The following EBF3 variants were observed in gnomAD, a reference collection of about 807,000 sequenced individuals.
The protein encoded by EBF3 is EBF transcription factor 3, also known as transcription factor COE3.
Under a neutral mutation model 77.1 loss-of-function variants are expected in EBF3, and 18 were observed. The observed-to-expected ratio is 0.23, with a 90% CI of 0.16 to 0.35. The LOEUF is 0.35. EBF3 is among the 10% of genes least tolerant of loss of function. The probability of loss-of-function intolerance (pLI) is 1.00; values close to 1 mark genes in which losing one functional copy is unlikely to be tolerated. For synonymous variants in EBF3, 350 were observed against 343.5 expected (o/e 1.02, Z -0.21); for missense variants, 558 against 860.0 (o/e 0.65, Z 4.39).
chr10:129,934,852 T>G (rs1473549723), intron 6 of EBF3, among the ~76,000 whole-genome samples: 1 of 152,120 alleles, frequency 6.6e-6, no homozygotes, highest in Non-Finnish European at 1.5e-5. Flanking sequence ...TCATTCTCTG[T>G]GCAGAGCTGG....
At chr10:129,839,824 G>T (rs1849884288) in intron 15 of EBF3, among the ~76,000 whole-genome samples, 2 of 152,200 alleles carry the variant, frequency 1.3e-5, no homozygotes, top group African/African-American at 4.8e-5. Flanking sequence ...ATAGCAGGCT[G>T]CAAGCCCAGG....
chr10:129,924,690 T>C (rs987676889), intron 6 of EBF3, among the ~76,000 whole-genome samples: 4 of 152,186 alleles, frequency 2.6e-5, no homozygotes, highest in Admixed American at 2.0e-4. Flanking sequence ...TCTTGAGACA[T>C]AGGTTCTGCT....
Position 129,958,945 on chromosome 10 carries a change from C to T in EBF3, c.474G>A (p.Glu158=). The T allele has an allele frequency of 6.3e-7, 1 of 1,598,724 alleles. No homozygotes were observed. Residue 158 remains glutamate (E), a synonymous_variant, in exon 5 of 17, where the codon GAG becomes GAA. Transcript: ENST00000440978. ...CGCCCGCCGCTCACCTGCACATGAT[C>T]TCGTGGGTCAGCAGCACACGGCACA... The part of the protein sequence containing the change: ...PEMCRVLLTH[E]IMCSRCCDKK...
intron 6 of EBF3, among the ~76,000 whole-genome samples, chr10:129,911,474 A>G (rs1325319826): frequency 6.6e-6 from 1 of 151,930 alleles, no homozygotes; most frequent in Admixed American, 6.6e-5. Context: ...TCCATTCTCC[A>G]ATCACTTCCC....
chr10:129,962,394 AT>A (rs141360240), intron 3 of EBF3, among the ~76,000 whole-genome samples, 168 bp from the exon 4 acceptor site: 13 of 150,624 alleles, frequency 8.6e-5, no homozygotes, highest in East Asian at 1.9e-4. Context: ...TTCTCGCTTA[AT>A]TTTTTTTTTC....
At chr10:129,913,594 C>T (rs1385048720) in intron 6 of EBF3, among the ~76,000 whole-genome samples, 2 of 152,260 alleles carry the variant, frequency 1.3e-5, no homozygotes, top group South Asian at 2.1e-4. Context: ...CTCGAGCACC[C>T]CCAGAGCTAT....
intron 6 of EBF3, among the ~76,000 whole-genome samples, chr10:129,955,890 T>C (rs2134602091): frequency 6.6e-6 from 1 of 152,340 alleles, no homozygotes; most frequent in African/African-American, 2.4e-5. Context: ...TTCAAACACT[T>C]CTAGCCAATC....
At position 129,837,854 on chromosome 10, in the gene EBF3, G is replaced by T; in HGVS notation, c.*89C>A. On this transcript the variant is annotated 3_prime_UTR_variant, in exon 17 of 17. Transcript: ENST00000440978. ...TTGAAGATACTGTTTCCATCAGCAT[G>T]TCTTAATATACTAAACGTGTCCCCT... 1 of 1,564,270 alleles carries T rather than the reference G, an allele frequency of 6.4e-7. No homozygotes were observed. Among genetic ancestry groups the T allele is most frequent in the Non-Finnish European group, 8.8e-7 (1 of 1,136,648 alleles).
intron 14 of EBF3, 69 bp from the exon 15 acceptor site, chr10:129,840,511 G>C (rs1380923443): frequency 3.3e-5 from 50 of 1,497,952 alleles, no homozygotes; most frequent in Non-Finnish European, 4.5e-5. Context: ...GGCACCAAAG[G>C]CCTCGCCTCG....
At chr10:129,934,728 C>T (rs111986538) in intron 6 of EBF3, among the ~76,000 whole-genome samples, 269 of 152,272 alleles carry the variant, frequency 1.8e-3, no homozygotes, top group Middle Eastern at 6.8e-3. Flanking sequence ...ACTCCATGGG[C>T]GCCAAATTAG....
intron 6 of EBF3, among the ~76,000 whole-genome samples, chr10:129,883,751 G>A (rs1260393918): frequency 2.6e-5 from 4 of 152,024 alleles, no homozygotes; most frequent in Admixed American, 6.6e-5. Flanking sequence ...GTGGTTGCTG[G>A]GGTGGGGGAG....
chr10:129,835,982 T>TA lies in EBF3; in HGVS notation c.*1960dup, dbSNP rs933774266. The TA allele has an allele frequency of 4.6e-5, 7 of 151,988 alleles. No individual in the cohort carries two copies. Among genetic ancestry groups the TA allele is most frequent in the South Asian group, 2.1e-4 (1 of 4,794 alleles). 9.4% of individuals were successfully genotyped at this position (151,988 alleles called of 1,614,324 possible). A position where few individuals can be genotyped will look rare whatever the true frequency, so the allele number is the denominator to read the frequency against. On this transcript the variant is annotated 3_prime_UTR_variant, in exon 17 of 17. Coordinates refer to ENST00000440978, the MANE Select transcript of EBF3 (RefSeq NM_001375380.1). ...GGAACTGACCACAAAAATGTATTGT[T>TA]AAAAAAAAATTGAAAACCAGCAGTG...
intron 6 of EBF3, among the ~76,000 whole-genome samples, chr10:129,881,347 T>G (rs951142524): frequency 6.6e-6 from 1 of 152,220 alleles, no homozygotes; most frequent in Non-Finnish European, 1.5e-5. Flanking sequence ...TCCCTGACCC[T>G]GTCTTTATTT....
intron 4 of EBF3, among the ~76,000 whole-genome samples, chr10:129,960,226 C>G (rs772795925): frequency 6.6e-6 from 1 of 152,158 alleles, no homozygotes; most frequent in Non-Finnish European, 1.5e-5. Context: ...CCGGTTCCCG[C>G]CCCCACCCCT....
Position 129,947,598 on chromosome 10 carries a change from T to C in EBF3, c.554+9660A>G, listed in dbSNP as rs1858323627. Among the ~76,000 whole-genome samples the C allele has an allele frequency of 6.6e-6, 1 of 151,486 alleles. No homozygotes were observed. The highest frequency in any genetic ancestry group is 6.6e-5 in the Admixed American group (1 of 15,216). On this transcript the variant is annotated intron_variant, in intron 6 of 16. Transcript: ENST00000440978. The surrounding 1 kb of genome is among the most constrained non-coding windows in gnomAD (Gnocchi z 4.5). ...TATTGAGGAAATAAACCCCTTATAA[T>C]AAGTGAAATTGAGCAATGCCACTTA...
chr10:129,923,536 G>T (rs1323238210), intron 6 of EBF3, among the ~76,000 whole-genome samples: 1 of 152,152 alleles, frequency 6.6e-6, no homozygotes, highest in African/African-American at 2.4e-5. Context: ...CACTGAACAG[G>T]GAGTGGGTGG....
chr10:129,878,241 A>C (rs1852932128), intron 6 of EBF3, among the ~76,000 whole-genome samples: 1 of 152,224 alleles, frequency 6.6e-6, no homozygotes, highest in African/African-American at 2.4e-5. Context: ...TTTTGGATAA[A>C]CAAAAAATAA....
intron 10 of EBF3, among the ~76,000 whole-genome samples, chr10:129,850,136 T>C (rs749930696): frequency 3.3e-5 from 5 of 152,262 alleles, no homozygotes; most frequent in Non-Finnish European, 5.9e-5. Context: ...GGCGGCCCAC[T>C]GCATTTCTAA....
At chr10:129,924,553 T>C (rs944317640) in intron 6 of EBF3, among the ~76,000 whole-genome samples, 4 of 150,434 alleles carry the variant, frequency 2.7e-5, no homozygotes, top group South Asian at 4.2e-4. Context: ...CTGTGGAAAA[T>C]AGTATGGCAG....
Sources: allele counts gnomAD v4.1 joint callset (sites outside exome capture counted in the v4.1 genomes callset), GRCh38; gene constraint gnomAD v4.1.1; non-coding constraint Gnocchi (gnomAD v3.1); transcripts MANE v1.5; gene names NCBI Gene and HGNC (gene_info 2026-07-23, HGNC 2026-07-21).